Variants in ANKRD28 observed in about 807,000 individuals in gnomAD.
The protein encoded by ANKRD28 is serine/threonine-protein phosphatase 6 regulatory ankyrin repeat subunit A.
A neutral mutation model predicts 126.5 loss-of-function variants in ANKRD28; 44 were observed. The ratio of observed to expected loss-of-function variants is 0.35; its 90% CI spans 0.27 to 0.45. The LOEUF (loss-of-function observed/expected upper bound fraction) is 0.45. ANKRD28 is among the 20% of genes least tolerant of loss of function. The pLI, the probability that ANKRD28 is intolerant of heterozygous loss-of-function variation, is 1.00. For missense variants in ANKRD28, 1,110 were observed against 1,316.6 expected (o/e 0.84, Z 2.43); for synonymous variants, 442 against 468.5 (o/e 0.94, Z 0.73).
At chr3:15,850,220 TATATAG>T (rs1337261178) in intron 1 of ANKRD28, among the ~76,000 whole-genome samples, 11 of 49,352 alleles carry the variant, frequency 2.2e-4, no homozygotes, top group African/African-American at 2.8e-4. Flanking sequence ...TATATATATA[TATATAG>T]AGAGAGAGAG....
intron 1 of ANKRD28, among the ~76,000 whole-genome samples, chr3:15,827,925 C>T (rs1408429057): frequency 6.6e-6 from 1 of 152,058 alleles, no homozygotes; most frequent in African/African-American, 2.4e-5. Context: ...CTTGAATAGA[C>T]ATTTATCAAA....
At chr3:15,739,201 A>G (rs2125171943) in intron 4 of ANKRD28, among the ~76,000 whole-genome samples, 1 of 152,310 alleles carries the variant, frequency 6.6e-6, no homozygotes, top group East Asian at 1.9e-4. Context: ...TGATGGGATT[A>G]AGAGATTAAA....
intron 17 of ANKRD28, among the ~76,000 whole-genome samples, chr3:15,691,624 T>TG (rs2125836541): frequency 1.3e-5 from 2 of 152,330 alleles, no homozygotes; most frequent in South Asian, 4.1e-4. Flanking sequence ...AAACTTGCTC[T>TG]GGGCCTCACT....
At position 15,774,808 on chromosome 3, in the gene ANKRD28, A is replaced by G. The variant is rs1182628994; in HGVS notation, c.202-8496T>C. ...GTCAAAAAGGGCTCATATCCAGAAT[A>G]TAAAAAGACCCGCTGCAAATTAATA... On this transcript the variant is annotated intron_variant, in intron 2 of 27. Coordinates refer to ENST00000683139, the MANE Select transcript of ANKRD28 (RefSeq NM_001349278.2). Among the ~76,000 whole-genome samples the G allele has an allele frequency of 2.6e-5, 4 of 152,258 alleles. No homozygotes were observed. The East Asian group carries it at 7.7e-4, about 29-fold the overall frequency.
At chr3:15,693,275 T>G (rs2069042913) in intron 17 of ANKRD28, among the ~76,000 whole-genome samples, 1 of 151,980 alleles carries the variant, frequency 6.6e-6, no homozygotes, top group South Asian at 2.1e-4. Context: ...TTTCTACCAT[T>G]ACCACCATAT....
chr3:15,728,145 T>C (rs1335549678), intron 6 of ANKRD28, among the ~76,000 whole-genome samples: 1 of 150,690 alleles, frequency 6.6e-6, no homozygotes, highest in Non-Finnish European at 1.5e-5. Context: ...GCTCATACGA[T>C]AGTTAGCATT....
At chr3:15,743,737 G>A (rs994367868) in intron 4 of ANKRD28, among the ~76,000 whole-genome samples, 3 of 152,202 alleles carry the variant, frequency 2.0e-5, no homozygotes, top group African/African-American at 7.2e-5. Flanking sequence ...GATTGAGATA[G>A]CCAGCTAGTA....
intron 18 of ANKRD28, among the ~76,000 whole-genome samples, chr3:15,687,275 C>A (rs1057037827): frequency 6.6e-6 from 1 of 151,964 alleles, no homozygotes; most frequent in Non-Finnish European, 1.5e-5. Flanking sequence ...GACACTAAAC[C>A]CCTTAAGCTA....
intron 1 of ANKRD28, among the ~76,000 whole-genome samples, chr3:15,836,307 T>C (rs1462884897): frequency 6.6e-6 from 1 of 152,098 alleles, no homozygotes; most frequent in Non-Finnish European, 1.5e-5. Context: ...GGAGGACTAT[T>C]ACTATGTAAC....
intron 1 of ANKRD28, among the ~76,000 whole-genome samples, chr3:15,831,666 T>TA (rs1169449906): frequency 1.3e-5 from 2 of 152,194 alleles, no homozygotes; most frequent in Non-Finnish European, 2.9e-5. Context: ...AAAAAGGGAA[T>TA]AAATTCACTT....
chr3:15,786,919 T>C (rs1415489353), intron 2 of ANKRD28, among the ~76,000 whole-genome samples: 1 of 152,124 alleles, frequency 6.6e-6, no homozygotes, highest in Middle Eastern at 3.2e-3. Context: ...ATGAAGTTAA[T>C]AATATATTTA....
intron 27 of ANKRD28, among the ~76,000 whole-genome samples, chr3:15,674,196 A>AAAAG (rs1470515364): frequency 1.2e-3 from 153 of 130,096 alleles, no homozygotes; most frequent in South Asian, 4.0e-3. Flanking sequence ...AAAAAAAAAA[A>AAAAG]AAGAAGAAGA....
intron 2 of ANKRD28, among the ~76,000 whole-genome samples, chr3:15,774,091 A>G (rs988407990): frequency 6.6e-6 from 1 of 152,194 alleles, no homozygotes; most frequent in Non-Finnish European, 1.5e-5. Flanking sequence ...GGATAATCAC[A>G]TGCCACAAAA....
At chr3:15,693,199 C>T (rs2069029474) in intron 17 of ANKRD28, among the ~76,000 whole-genome samples, 1 of 152,132 alleles carries the variant, frequency 6.6e-6, no homozygotes, top group Non-Finnish European at 1.5e-5. Context: ...TGTAAATATA[C>T]TTAACACTGC....
rs77944333 is a variant in ANKRD28, at chr3:15,671,576, T to C, written c.2966-1020A>G. Among the ~76,000 whole-genome samples, 3,366 of 150,166 alleles carry C rather than the reference T, an allele frequency of 0.022. 228 individuals are homozygous for C. In the East Asian group the frequency reaches 0.24, roughly 11 times the overall value. ...TTTCAACTTGGAGTCATAAACACTA[T>C]AGTTTTTTTTTTGTTTTTTTTTTTT... On this transcript the variant is annotated intron_variant, in intron 27 of 27. Coordinates refer to ENST00000683139, the MANE Select transcript of ANKRD28 (RefSeq NM_001349278.2).
chr3:15,705,534 T>C (rs1455526201), intron 14 of ANKRD28, among the ~76,000 whole-genome samples: 1 of 152,190 alleles, frequency 6.6e-6, no homozygotes, highest in Non-Finnish European at 1.5e-5. Context: ...AGCAAATCAA[T>C]AAATCAAACC....
At chr3:15,741,898 G>C (rs2057054696) in intron 4 of ANKRD28, among the ~76,000 whole-genome samples, 1 of 151,928 alleles carries the variant, frequency 6.6e-6, no homozygotes, top group East Asian at 1.9e-4. Flanking sequence ...CACCACGCCT[G>C]ACTGGTTTTC....
At chr3:15,700,957 C>T (rs560824041) in intron 14 of ANKRD28, among the ~76,000 whole-genome samples, 2 of 152,204 alleles carry the variant, frequency 1.3e-5, no homozygotes, top group East Asian at 1.9e-4. Flanking sequence ...TGTTCAAATT[C>T]CAAGTCTATA....
chr3:15,729,510 A>G (rs1559421235), intron 6 of ANKRD28, among the ~76,000 whole-genome samples: 2 of 152,208 alleles, frequency 1.3e-5, no homozygotes, highest in African/African-American at 4.8e-5. Context: ...CCCCAAATAT[A>G]TACTTTCAGA....
Sources: gnomAD v4.1 joint callset for allele counts (sites outside exome capture counted in the v4.1 genomes callset) on GRCh38, gnomAD v4.1.1 for gene constraint, MANE v1.5 for transcripts, NCBI Gene and HGNC (gene_info 2026-07-23, HGNC 2026-07-21) for gene names.